Variants in CTRC observed in about 807,000 individuals in gnomAD.
CTRC encodes the protein chymotrypsin-C.
Under a neutral mutation model 35.7 loss-of-function variants are expected in CTRC, and 32 were observed. The observed-to-expected ratio is 0.90, with a 90% CI of 0.68 to 1.20. The LOEUF (loss-of-function observed/expected upper bound fraction) is 1.20. Ranked by LOEUF, CTRC falls within the 50% of genes most tolerant of loss-of-function variation. CTRC has a pLI of 0.00. For synonymous variants in CTRC, 119 were observed against 149.5 expected (o/e 0.80, Z 1.49); for missense variants, 324 against 361.5 (o/e 0.90, Z 0.84).
intron 1 of CTRC, among the ~76,000 whole-genome samples, 170 bp downstream of exon 1, chr1:15,438,674 G>T (rs2103288125): frequency 6.6e-6 from 1 of 152,314 alleles, no homozygotes; most frequent in African/African-American, 2.4e-5. Context: ...GCCACAGCCT[G>T]CCTGCCAACT....
chr1:15,443,675 C>G, intron 5 of CTRC, 120 bp downstream of exon 5: 1 of 1,213,554 alleles, frequency 8.2e-7, no homozygotes, highest in Non-Finnish European at 1.2e-6. Context: ...AACTTTGTAA[C>G]AATAACAGCT....
intron 1 of CTRC, 74 bp from the exon 2 acceptor site, chr1:15,440,226 G>GCCCCCCCCCCCCCCCCCCCC: frequency 1.9e-6 from 1 of 523,580 alleles, no homozygotes; most frequent in Non-Finnish European, 3.7e-6. Context: ...TCTTCCACCT[G>GCCCCCCCCCCCCCCCCCCCC]CCCACCCTCC....
chr1:15,439,508 G>A (rs1469456102), intron 1 of CTRC, among the ~76,000 whole-genome samples: 3 of 152,048 alleles, frequency 2.0e-5, no homozygotes, highest in South Asian at 2.1e-4. Context: ...TCGAGGTTCC[G>A]TGCGACTTAG....
intron 1 of CTRC, 33 bp downstream of exon 1, chr1:15,438,537 C>A: frequency 6.2e-7 from 1 of 1,613,484 alleles, no homozygotes; most frequent in Non-Finnish European, 8.5e-7. Context: ...AGCTAGCAGG[C>A]TGTGAGCTCG....
rs1708127789 is a variant in CTRC at position 15,441,230 on chromosome 1, G to A, written c.230+640G>A. Among the ~76,000 whole-genome samples the A allele has an allele frequency of 9.2e-5, 14 of 152,172 alleles. No individual in the cohort carries two copies. The South Asian group carries it at 2.9e-3, about 32-fold the overall frequency. On this transcript the variant is annotated intron_variant, in intron 3 of 7. Transcript: ENST00000375949. Reference sequence around the variant, plus strand: ...TCAGAAGAGGACAAACAGAATGAGGGGTTCAGTTTTAAAAGGGATGGCCAG... The same window carrying A: ...TCAGAAGAGGACAAACAGAATGAGGAGTTCAGTTTTAAAAGGGATGGCCAG...
chr1:15,445,074 T>C (rs769078170), intron 6 of CTRC, among the ~76,000 whole-genome samples: 4 of 152,096 alleles, frequency 2.6e-5, no homozygotes, highest in Non-Finnish European at 5.9e-5. Flanking sequence ...ACTAAATGAG[T>C]TTAAAGGACA....
In CTRC at chr1:15,449,138, A is replaced by C. The variant is rs1019355867; in HGVS notation, c.*2549A>C. On this transcript the variant is annotated 3_prime_UTR_variant, in exon 8 of 8. Transcript: ENST00000375949. The stretch of plus-strand genomic sequence containing the variant: ...GTAGTGGAGCCGGAATCCAGACTTT[A>C]GTGATCTGACTCCAGGGCCTGTGCT... 3 of 152,088 alleles carry C rather than the reference A, an allele frequency of 2.0e-5. No homozygotes were observed. The highest frequency in any genetic ancestry group is 7.2e-5 in the African/African-American group (3 of 41,400). The allele number at this position is 152,088 out of a possible 1,614,324, so 9.4% of individuals were successfully genotyped here. A position where few individuals can be genotyped will look rare whatever the true frequency, so the allele number is the denominator to read the frequency against.
In CTRC at chr1:15,446,604, C is replaced by A; in HGVS notation, c.*15C>A. The A allele has an allele frequency of 6.2e-7, 1 of 1,614,102 alleles. No homozygotes were observed. The highest frequency in any genetic ancestry group is 8.5e-7 in the Non-Finnish European group (1 of 1,179,944). On this transcript the variant is annotated 3_prime_UTR_variant, in exon 8 of 8. Transcript: ENST00000375949. The stretch of plus-strand genomic sequence containing the variant: ...TGCAGCTGTGATTTGTTGCTGGGAG[C>A]GGCGGCAGCGAGTCCCTGCAACAGC...
rs781371107 is a variant in CTRC at position 15,444,556 on chromosome 1, G to A, written c.494-50G>A. 2.5e-6 allele frequency: 4 copies of A among 1,612,236 alleles called. No homozygotes were observed. The Admixed American group carries it at 5.0e-5, about 20-fold the overall frequency. The stretch of plus-strand genomic sequence containing the variant: ...CTCCCTGAAGGCCTGGGGAGGGGCT[G>A]GACTGGGCTTCCCGGCTGCCTCCCT... On this transcript the variant is annotated intron_variant, in intron 5 of 7. Transcript: ENST00000375949.
At chr1:15,439,845 G>A (rs1170936667) in intron 1 of CTRC, among the ~76,000 whole-genome samples, 1 of 152,138 alleles carries the variant, frequency 6.6e-6, no homozygotes, top group Non-Finnish European at 1.5e-5. Context: ...AGGCTCAAGC[G>A]ATTCTCCTGC....
At chr1:15,445,836 G>A (rs778229929) in intron 7 of CTRC, 87 bp downstream of exon 7, 43 of 1,474,588 alleles carry the variant, frequency 2.9e-5, no homozygotes, top group African/African-American at 1.5e-4. Flanking sequence ...TCATTCATGC[G>A]TTTATTCATT....
chr1:15,443,362 T>G, intron 4 of CTRC, 57 bp from the exon 5 acceptor site: 5 of 1,612,330 alleles, frequency 3.1e-6, no homozygotes, highest in South Asian at 2.2e-5. Context: ...CCCCTTAGCC[T>G]GAGCTTGTGG....
chr1:15,446,489 A>G, intron 7 of CTRC, 86 bp from the exon 8 acceptor site: 1 of 1,425,698 alleles, frequency 7.0e-7, no homozygotes, highest in African/African-American at 1.4e-5. Context: ...CCATGCCCCC[A>G]TGGACCCACC....
intron 1 of CTRC, among the ~76,000 whole-genome samples, chr1:15,438,705 C>G (rs1361921619): frequency 1.3e-5 from 2 of 152,312 alleles, no homozygotes; most frequent in East Asian, 1.9e-4. Flanking sequence ...ATCTGCAAAA[C>G]AGGGAAGATG....
intron 7 of CTRC, among the ~76,000 whole-genome samples, chr1:15,446,206 T>C (rs1481956852): frequency 6.6e-6 from 1 of 152,234 alleles, no homozygotes; most frequent in Non-Finnish European, 1.5e-5. Flanking sequence ...ATTCACTGCC[T>C]TCATCAAGCA....
Position 15,445,618 on chromosome 1 carries a change from A to T in CTRC, c.661A>T (p.Asn221Tyr). 6.2e-7 allele frequency: 1 copy of T among 1,614,148 alleles called. No homozygotes were observed. Among genetic ancestry groups the T allele is most frequent in the Middle Eastern group, 1.6e-4 (1 of 6,062 alleles). Residue 221 changes from asparagine to tyrosine, a missense_variant, in exon 7 of 8, where the codon AAC (asparagine) becomes TAC (tyrosine). Transcript: ENST00000375949. ...GCAGGGGGACTCCGGTGGCCCACTGAACTGCCAGTTGGAGAACGGTTCCTG... is the reference window on the plus strand; with the variant it reads ...GCAGGGGGACTCCGGTGGCCCACTGTACTGCCAGTTGGAGAACGGTTCCTG... Reference protein sequence around the residue: ...ACNGDSGGPLNCQLENGSWEV... With the variant: ...ACNGDSGGPLYCQLENGSWEV...
chr1:15,440,249 CGTGGGCTACCAGCCCTATT>C, intron 1 of CTRC, 32 bp from the exon 2 acceptor site: 1 of 1,152,926 alleles, frequency 8.7e-7, no homozygotes, highest in Non-Finnish European at 1.3e-6. Flanking sequence ...CCCCTTTCCC[CGTGGGCTACCAGCCCTATT>C]CACTGGTTCT....
chr1:15,446,734 G>C lies in CTRC; in HGVS notation c.*145G>C, dbSNP rs992679752. ...CCTTTCCACACTATGGAGCCAAAGA[G>C]AGACCCCACTCAGCCAGTTTCCCCC... On this transcript the variant is annotated 3_prime_UTR_variant, in exon 8 of 8. Coordinates refer to ENST00000375949, the MANE Select transcript of CTRC (RefSeq NM_007272.3). The C allele has an allele frequency of 5.3e-6, 5 of 944,398 alleles. No individual in the cohort carries two copies. The highest frequency in any genetic ancestry group is 3.2e-5 in the African/African-American group (2 of 61,820). The allele number at this position is 944,398 out of a possible 1,614,324, so 58.5% of individuals were successfully genotyped here.
intron 6 of CTRC, 87 bp downstream of exon 6, chr1:15,444,838 T>G: frequency 1.3e-6 from 2 of 1,567,960 alleles, no homozygotes; most frequent in Non-Finnish European, 1.8e-6. Flanking sequence ...CAAACCCTTC[T>G]CCTGGGAGGA....
Sources: allele counts gnomAD v4.1 joint callset (sites outside exome capture counted in the v4.1 genomes callset), GRCh38; gene constraint gnomAD v4.1.1; transcripts MANE v1.5; gene names NCBI Gene and HGNC (gene_info 2026-07-23, HGNC 2026-07-21).